The following PCCA variants were observed in gnomAD, a reference collection of about 807,000 sequenced individuals.
The protein encoded by PCCA is propionyl-CoA carboxylase alpha chain, mitochondrial.
In PCCA, 74 loss-of-function variants were observed where a neutral mutation model predicts 101.3. The observed-to-expected ratio is 0.73, with a 90% CI of 0.61 to 0.89. PCCA has a LOEUF of 0.89. PCCA is among the 40% of genes least tolerant of loss of function. The probability of loss-of-function intolerance (pLI) is 0.00; values close to 1 mark genes in which losing one functional copy is unlikely to be tolerated. For missense variants in PCCA, 891 were observed against 907.0 expected (o/e 0.98, Z 0.23); for synonymous variants, 294 against 313.6 (o/e 0.94, Z 0.66).
Position 100,267,686 on chromosome 13 carries a change from G to A in PCCA, c.820-1003G>A, listed in dbSNP as rs879481494. On this transcript the variant is annotated intron_variant, in intron 10 of 23. Coordinates refer to ENST00000376285, the MANE Select transcript of PCCA (RefSeq NM_000282.4). Reference sequence around the variant, plus strand: ...CTTAAATCTGAAAATAGATTGGTCCGTTTCTGAAAATCAGATGTTCTAGGC... The same window carrying A: ...CTTAAATCTGAAAATAGATTGGTCCATTTCTGAAAATCAGATGTTCTAGGC... 7.9e-5 allele frequency among the ~76,000 whole-genome samples: 12 copies of A among 152,186 alleles called. No homozygotes were observed. The East Asian group carries it at 1.2e-3, about 15-fold the overall frequency.
intron 4 of PCCA, among the ~76,000 whole-genome samples, chr13:100,115,669 A>G (rs1293490928): frequency 6.6e-6 from 1 of 152,196 alleles, no homozygotes; most frequent in Non-Finnish European, 1.5e-5. Context: ...CATATGGCGC[A>G]TGATTGAATT....
At chr13:100,111,575 T>C (rs1469199883) in intron 2 of PCCA, among the ~76,000 whole-genome samples, 1 of 152,236 alleles carries the variant, frequency 6.6e-6, no homozygotes, top group Non-Finnish European at 1.5e-5. Context: ...ACAAAGTAAT[T>C]ATAGAACCCG....
intron 6 of PCCA, among the ~76,000 whole-genome samples, chr13:100,159,665 C>T (rs976869879): frequency 1.3e-5 from 2 of 152,148 alleles, no homozygotes; most frequent in African/African-American, 4.8e-5. Flanking sequence ...AATATACAAC[C>T]TCCTCCTTTC....
At chr13:100,512,234 A>G (rs549456672) in intron 21 of PCCA, among the ~76,000 whole-genome samples, 1 of 151,780 alleles carries the variant, frequency 6.6e-6, no homozygotes, top group African/African-American at 2.4e-5. Context: ...GTCAGCTGTG[A>G]TTCCTTTTCT....
At chr13:100,214,084 C>T (rs1438711229) in intron 7 of PCCA, among the ~76,000 whole-genome samples, 1 of 152,058 alleles carries the variant, frequency 6.6e-6, no homozygotes, top group Non-Finnish European at 1.5e-5. Flanking sequence ...TTCTATTGGT[C>T]TATGCCAGTA....
chr13:100,386,770 A>G (rs951522153), intron 19 of PCCA, among the ~76,000 whole-genome samples: 10 of 152,196 alleles, frequency 6.6e-5, no homozygotes, highest in Non-Finnish European at 1.0e-4. Flanking sequence ...TATCCACAGA[A>G]TATCTTTGGA....
chr13:100,120,183 T>G (rs990390176), intron 4 of PCCA, among the ~76,000 whole-genome samples: 1 of 150,916 alleles, frequency 6.6e-6, no homozygotes, highest in African/African-American at 2.4e-5. Context: ...ATTACTTTTT[T>G]TTTTTTTTTT....
At chr13:100,488,651 T>G (rs2084621965) in intron 21 of PCCA, among the ~76,000 whole-genome samples, 2 of 147,030 alleles carry the variant, frequency 1.4e-5, no homozygotes, top group African/African-American at 5.0e-5. Context: ...TTTGTTTTTT[T>G]TTTTTAATTA....
intron 21 of PCCA, among the ~76,000 whole-genome samples, chr13:100,471,468 A>G (rs2083005609): frequency 1.3e-5 from 2 of 152,244 alleles, no homozygotes; most frequent in Non-Finnish European, 2.9e-5. Context: ...CAATAGATAA[A>G]GGGTTGCCAC....
intron 6 of PCCA, among the ~76,000 whole-genome samples, chr13:100,186,878 C>A (rs1180446616): frequency 4.0e-5 from 6 of 151,846 alleles, no homozygotes; most frequent in Non-Finnish European, 4.4e-5. Flanking sequence ...AAGTATATGC[C>A]AATTGAGAAT....
chr13:100,231,589 AG>A (rs1397699109), intron 7 of PCCA, among the ~76,000 whole-genome samples: 1 of 152,224 alleles, frequency 6.6e-6, no homozygotes, highest in Non-Finnish European at 1.5e-5. Flanking sequence ...TGATAACTTC[AG>A]GCATGGCTGA....
intron 8 of PCCA, among the ~76,000 whole-genome samples, chr13:100,252,434 T>G (rs2061814600): frequency 6.6e-6 from 1 of 152,220 alleles, no homozygotes; most frequent in South Asian, 2.1e-4. Context: ...CTTCTTTTTA[T>G]TTTTCCTTTC....
At chr13:100,301,016 G>T (rs1462033108) in intron 12 of PCCA, among the ~76,000 whole-genome samples, 1 of 152,212 alleles carries the variant, frequency 6.6e-6, no homozygotes, top group Non-Finnish European at 1.5e-5. Flanking sequence ...GTTAGTGAAA[G>T]CATGCAAGTG....
At chr13:100,298,874 G>A (rs983988696) in intron 12 of PCCA, among the ~76,000 whole-genome samples, 2 of 151,496 alleles carry the variant, frequency 1.3e-5, no homozygotes, top group African/African-American at 4.9e-5. Flanking sequence ...TTTAAGCAAT[G>A]TTGTGCTTAT....
rs1371752421 is a variant in PCCA, at chr13:100,257,621, G to A, written c.664G>A (p.Ala222Thr). The A allele has an allele frequency of 6.2e-7, 1 of 1,613,846 alleles. No homozygotes were observed. Among genetic ancestry groups the A allele is most frequent in the African/African-American group, 1.3e-5 (1 of 75,038 alleles). ...IGYPVMIKAS[A>T]GGGGKGMRIA... ...CTACCCTGTCATGATCAAGGCCTCA[G>A]CAGGTGGTGGTGGGAAAGGCATGCG... is the stretch of plus-strand genomic sequence containing the variant. The change falls in exon 9 of 24, where the codon GCA (alanine) becomes ACA (threonine). Residue 222 changes from alanine to threonine, a missense_variant. Transcript: ENST00000376285.
rs569421937 is a variant in PCCA at position 100,394,402 on chromosome 13, G to A, written c.1746+25828G>A. Among the ~76,000 whole-genome samples the A allele has an allele frequency of 6.6e-6, 1 of 152,104 alleles. No homozygotes were observed. The highest frequency in any genetic ancestry group is 2.4e-5 in the African/African-American group (1 of 41,508). On this transcript the variant is annotated intron_variant, in intron 19 of 23. Transcript: ENST00000376285. This position sits in a 1 kb window ranked among gnomAD's most constrained non-coding sequence, Gnocchi z 4.3. ...TCAGCGAGGTTCCTTTTGCATCAGC[G>A]CTGGTTCTTGGTGGCAGTCAGAGGT... is the stretch of plus-strand genomic sequence containing the variant.
chr13:100,091,728 T>G (rs944013940), intron 1 of PCCA, among the ~76,000 whole-genome samples: 1 of 152,128 alleles, frequency 6.6e-6, no homozygotes, highest in Non-Finnish European at 1.5e-5. Context: ...TCAACAGAGT[T>G]TATTTATTTT....
At chr13:100,414,713 G>A (rs1415387747) in intron 19 of PCCA, among the ~76,000 whole-genome samples, 1 of 152,182 alleles carries the variant, frequency 6.6e-6, no homozygotes, top group African/African-American at 2.4e-5. Flanking sequence ...TGGTGGTAAT[G>A]TCACAGTGTA....
At chr13:100,463,680 G>T (rs1254483738) in intron 21 of PCCA, among the ~76,000 whole-genome samples, 2 of 152,160 alleles carry the variant, frequency 1.3e-5, no homozygotes, top group African/African-American at 4.8e-5. Context: ...CCCAGCAGAG[G>T]TGAGGTCCTA....
Sources: allele counts gnomAD v4.1 joint callset (sites outside exome capture counted in the v4.1 genomes callset), GRCh38; gene constraint gnomAD v4.1.1; non-coding constraint Gnocchi (gnomAD v3.1); transcripts MANE v1.5; gene names NCBI Gene and HGNC (gene_info 2026-07-23, HGNC 2026-07-21).